Variants in BCAS3 observed in about 807,000 individuals in gnomAD.
BCAS3 encodes BCAS4/BCAS3 fusion.
Under a neutral mutation model 116.1 loss-of-function variants are expected in BCAS3, and 53 were observed. That is an observed-to-expected ratio of 0.46 (90% confidence interval 0.37 to 0.57). BCAS3 has a LOEUF of 0.57. BCAS3 is among the 20% of genes least tolerant of loss of function. BCAS3 has a pLI of 0.00. For missense variants in BCAS3, 917 were observed against 1,165.4 expected (o/e 0.79, Z 3.10); for synonymous variants, 391 against 408.2 (o/e 0.96, Z 0.51).
Position 61,235,192 on chromosome 17 carries a change from C to T in BCAS3, c.2426-133135C>T, listed in dbSNP as rs563059166. Among the ~76,000 whole-genome samples, 1 of 152,124 alleles carries T rather than the reference C, an allele frequency of 6.6e-6. No individual in the cohort carries two copies. The highest frequency in any genetic ancestry group is 2.4e-5 in the African/African-American group (1 of 41,504). ...GTGAACCACCACGCCTGGCTGTCTG[C>T]CCCCCGCCTGTCCTAAGCACTTTAA... is the stretch of plus-strand genomic sequence containing the variant. On this transcript the variant is annotated intron_variant, in intron 22 of 23. Transcript: ENST00000407086. This position sits in a 1 kb window ranked among gnomAD's most constrained non-coding sequence, Gnocchi z 5.0.
chr17:60,958,830 C>A (rs1026283375), intron 14 of BCAS3, among the ~76,000 whole-genome samples: 2 of 152,148 alleles, frequency 1.3e-5, no homozygotes, highest in Non-Finnish European at 2.9e-5. Context: ...TGTGACCATT[C>A]CCACACATGT....
rs1366385141 is a variant in BCAS3, at chr17:61,355,488, AT to A, written c.2426-12837del. Among the ~76,000 whole-genome samples the A allele has an allele frequency of 6.6e-6, 1 of 151,906 alleles. No homozygotes were observed. The highest frequency in any genetic ancestry group is 1.5e-5 in the Non-Finnish European group (1 of 67,978). The stretch of plus-strand genomic sequence containing the variant: ...TCCAGCCATATTTTCAAAAAAAAAA[AT>A]TCAGCATGGTAGTTTTAGTGGAGAA... On this transcript the variant is annotated intron_variant, in intron 22 of 23. Transcript: ENST00000407086. This position sits in a 1 kb window ranked among gnomAD's most constrained non-coding sequence, Gnocchi z 4.2.
chr17:60,807,706 C>T (rs568127457), intron 6 of BCAS3, among the ~76,000 whole-genome samples: 28 of 150,866 alleles, frequency 1.9e-4, no homozygotes, highest in Non-Finnish European at 3.7e-4. Context: ...TGTTTGAACC[C>T]GGGAGGCAGA....
In BCAS3 at chr17:61,388,122, A is replaced by C. The variant is rs1364629961; in HGVS notation, c.2594-3855A>C. 6.6e-6 allele frequency among the ~76,000 whole-genome samples: 1 copy of C among 152,076 alleles called. No individual in the cohort carries two copies. The highest frequency in any genetic ancestry group is 1.5e-5 in the Non-Finnish European group (1 of 67,980). On this transcript the variant is annotated intron_variant, in intron 23 of 23. Transcript: ENST00000407086. The surrounding 1 kb of genome is among the most constrained non-coding windows in gnomAD (Gnocchi z 6.5). Reference sequence around the variant, plus strand: ...CCTGATGGACTTCCCCAACAGGTCCACCTCAACCGCAGGACAGCTGCTCAG... The same window carrying C: ...CCTGATGGACTTCCCCAACAGGTCCCCCTCAACCGCAGGACAGCTGCTCAG...
intron 22 of BCAS3, among the ~76,000 whole-genome samples, chr17:61,320,491 C>G (rs2055121145): frequency 6.6e-6 from 1 of 151,980 alleles, no homozygotes; most frequent in Non-Finnish European, 1.5e-5. Flanking sequence ...ACCATCCTAG[C>G]TAACACGGTG....
rs1393319671 is a variant in BCAS3, at chr17:61,199,490, G to A, written c.2425+114926G>A. On this transcript the variant is annotated intron_variant, in intron 22 of 23. Transcript: ENST00000407086. This position sits in a 1 kb window ranked among gnomAD's most constrained non-coding sequence, Gnocchi z 4.6. Reference sequence around the variant, plus strand: ...ATTTAGAATGTGACACCATTGTTTAGGTGTATGTGATTCATTTTTATTATC... The same window carrying A: ...ATTTAGAATGTGACACCATTGTTTAAGTGTATGTGATTCATTTTTATTATC... Among the ~76,000 whole-genome samples, 1 of 152,126 alleles carries A rather than the reference G, an allele frequency of 6.6e-6. No individual in the cohort carries two copies. The highest frequency in any genetic ancestry group is 1.5e-5 in the Non-Finnish European group (1 of 68,020).
At chr17:60,998,956 T>G (rs2064032013) in intron 15 of BCAS3, among the ~76,000 whole-genome samples, 1 of 152,208 alleles carries the variant, frequency 6.6e-6, no homozygotes. Flanking sequence ...GGTCTTACAT[T>G]TAAGTCTCTA....
At position 61,339,047 on chromosome 17, in the gene BCAS3, A is replaced by T. The variant is rs939713692; in HGVS notation, c.2426-29280A>T. On this transcript the variant is annotated intron_variant, in intron 22 of 23. Transcript: ENST00000407086. This position sits in a 1 kb window ranked among gnomAD's most constrained non-coding sequence, Gnocchi z 4.4. ...TTGGTTTTGGGAAAAAAAAAAATTC[A>T]CAAAGACCCATCTGCCTCTCCCATT... Among the ~76,000 whole-genome samples, 3 of 151,700 alleles carry T rather than the reference A, an allele frequency of 2.0e-5. No homozygotes were observed. Among genetic ancestry groups the T allele is most frequent in the Admixed American group, 6.6e-5 (1 of 15,234 alleles).
chr17:61,235,935 A>G lies in BCAS3; in HGVS notation c.2426-132392A>G, dbSNP rs2083021952. Among the ~76,000 whole-genome samples, 1 of 152,230 alleles carries G rather than the reference A, an allele frequency of 6.6e-6. No homozygotes were observed. Among genetic ancestry groups the G allele is most frequent in the South Asian group, 2.1e-4 (1 of 4,830 alleles). On this transcript the variant is annotated intron_variant, in intron 22 of 23. Transcript: ENST00000407086. The surrounding 1 kb of genome is among the most constrained non-coding windows in gnomAD (Gnocchi z 5.0). ...ATGCTAGCCTGTGCTGTTTTTGAAC[A>G]TACTCAAACAAAGGCTGATTATCCA...
intron 6 of BCAS3, among the ~76,000 whole-genome samples, chr17:60,797,378 A>T (rs143290648): frequency 0.014 from 2,133 of 151,224 alleles, 48 homozygotes; most frequent in African/African-American, 0.041. Flanking sequence ...TTATTTATTT[A>T]TTTATTTTTT....
At chr17:60,870,891 C>G (rs73320622) in intron 8 of BCAS3, among the ~76,000 whole-genome samples, 7,037 of 152,200 alleles carry the variant, frequency 0.046, 521 homozygotes, top group African/African-American at 0.16. Flanking sequence ...TTTGTAGGAA[C>G]ATTTTCAATT....
chr17:61,163,816 G>A (rs1409954049), intron 22 of BCAS3, among the ~76,000 whole-genome samples: 2 of 151,614 alleles, frequency 1.3e-5, no homozygotes, highest in Non-Finnish European at 2.9e-5. Flanking sequence ...GAGAAACCCC[G>A]TCTCTACTAA....
chr17:60,820,249 AG>A (rs746899727), intron 7 of BCAS3, among the ~76,000 whole-genome samples: 20 of 152,090 alleles, frequency 1.3e-4, no homozygotes, highest in Non-Finnish European at 2.2e-4. Context: ...TTGTATTTTT[AG>A]TAGCCAGGAT....
chr17:60,807,466 G>T (rs897924974), intron 6 of BCAS3, among the ~76,000 whole-genome samples: 1 of 152,054 alleles, frequency 6.6e-6, no homozygotes, highest in Non-Finnish European at 1.5e-5. Context: ...ATTGAAATTG[G>T]TGCCAATTGA....
intron 7 of BCAS3, among the ~76,000 whole-genome samples, chr17:60,846,195 G>A (rs1322176275): frequency 6.6e-6 from 1 of 152,148 alleles, no homozygotes; most frequent in Non-Finnish European, 1.5e-5. Flanking sequence ...CTCCCAAAGT[G>A]TTGGGATTAC....
At chr17:61,357,253 TAAATAAATA>T (rs1253275918) in intron 22 of BCAS3, among the ~76,000 whole-genome samples, 1 of 144,950 alleles carries the variant, frequency 6.9e-6, no homozygotes, top group Admixed American at 6.8e-5. Context: ...AAAAAATAAA[TAAATAAATA>T]AATAAATTAA....
At chr17:61,009,024 A>C (rs367875771) in intron 15 of BCAS3, among the ~76,000 whole-genome samples, 5 of 152,122 alleles carry the variant, frequency 3.3e-5, no homozygotes, top group African/African-American at 1.2e-4. Flanking sequence ...AGATAAGTGT[A>C]TGGAGAGGTG....
At chr17:60,723,053 A>G (rs1466871169) in intron 5 of BCAS3, among the ~76,000 whole-genome samples, 1 of 152,132 alleles carries the variant, frequency 6.6e-6, no homozygotes, top group African/African-American at 2.4e-5. Flanking sequence ...ATTTCAAAAA[A>G]TGCTTTTTAT....
At chr17:60,724,790 A>C (rs1444395460) in intron 5 of BCAS3, among the ~76,000 whole-genome samples, 2 of 152,046 alleles carry the variant, frequency 1.3e-5, no homozygotes, top group African/African-American at 4.8e-5. Flanking sequence ...ATTCATTAAA[A>C]AAAAAAAAAC....
Sources: allele counts gnomAD v4.1 joint callset (sites outside exome capture counted in the v4.1 genomes callset), GRCh38; gene constraint gnomAD v4.1.1; non-coding constraint Gnocchi (gnomAD v3.1); transcripts MANE v1.5; gene names NCBI Gene and HGNC (gene_info 2026-07-23, HGNC 2026-07-21).